The following ZNF827 variants were observed in gnomAD, a reference collection of about 807,000 sequenced individuals.
The protein encoded by ZNF827 is zinc finger protein 827.
In ZNF827, 13 loss-of-function variants were observed where a neutral mutation model predicts 102.4. The ratio of observed to expected loss-of-function variants is 0.13; its 90% CI spans 0.08 to 0.20. ZNF827 has a LOEUF of 0.20. Ranked by LOEUF, ZNF827 falls within the 10% of genes least tolerant of loss-of-function variation. ZNF827 has a pLI of 1.00. For synonymous variants in ZNF827, 523 were observed against 536.2 expected, an observed-to-expected ratio of 0.98 and a Z score of 0.34; for missense variants, 1,103 against 1,344.4, an observed-to-expected ratio of 0.82 and a Z score of 2.81.
intron 8 of ZNF827, among the ~76,000 whole-genome samples, chr4:145,808,956 A>ATTTTTTTTT (rs1741756684): frequency 6.6e-6 from 1 of 151,954 alleles, no homozygotes. Flanking sequence ...ATACACGACC[A>ATTTTTTTTT]TACATGGCTA....
At chr4:145,853,233 T>A (rs1746711686) in intron 5 of ZNF827, among the ~76,000 whole-genome samples, 1 of 152,190 alleles carries the variant, frequency 6.6e-6, no homozygotes, top group Non-Finnish European at 1.5e-5. Context: ...TCTCTTCTTT[T>A]TGCCTGGGGT....
chr4:145,918,332 C>CAAAA (rs34428145), intron 1 of ZNF827, among the ~76,000 whole-genome samples: 18 of 22,142 alleles, frequency 8.1e-4, no homozygotes, highest in East Asian at 7.6e-3. Context: ...TAGCTCAAGG[C>CAAAA]AAAAAAAAAA....
At chr4:145,840,842 T>C (rs1745344682) in intron 7 of ZNF827, among the ~76,000 whole-genome samples, 1 of 152,248 alleles carries the variant, frequency 6.6e-6, no homozygotes, top group African/African-American at 2.4e-5. Context: ...AAATTTTACA[T>C]TGGATGATTC....
At chr4:145,860,391 T>C (rs922762800) in intron 5 of ZNF827, among the ~76,000 whole-genome samples, 2 of 152,094 alleles carry the variant, frequency 1.3e-5, no homozygotes, top group African/African-American at 4.8e-5. Context: ...GTAGCAAAAA[T>C]AGGGGAAGTG....
chr4:145,802,171 TTC>T (rs1740976420), intron 8 of ZNF827, among the ~76,000 whole-genome samples: 1 of 152,232 alleles, frequency 6.6e-6, no homozygotes, highest in Admixed American at 6.5e-5. Context: ...AAAAAATTTC[TTC>T]TCTTTCCTCC....
At chr4:145,892,528 T>C (rs1302005061) in intron 2 of ZNF827, 113 bp from the exon 3 acceptor site, 2 of 1,165,642 alleles carry the variant, frequency 1.7e-6, no homozygotes, top group Non-Finnish European at 2.3e-6. Context: ...TTTGGGTTTT[T>C]TTCTTGACAA....
chr4:145,806,128 A>G (rs994951708), intron 8 of ZNF827, among the ~76,000 whole-genome samples: 1 of 150,544 alleles, frequency 6.6e-6, no homozygotes, highest in African/African-American at 2.4e-5. Context: ...GCTGCTCATA[A>G]GTATGTTGAA....
At position 145,938,621 on chromosome 4, in the gene ZNF827, CCT is replaced by C. The variant is rs889223884; in HGVS notation, c.-216_-215del. 2 of 496,598 alleles carry C rather than the reference CCT, an allele frequency of 4.0e-6. No homozygotes were observed. The highest frequency in any genetic ancestry group is 6.9e-6 in the Non-Finnish European group (2 of 288,056). The allele number at this position is 496,598 out of a possible 1,614,324, so 30.8% of individuals were successfully genotyped here. On this transcript the variant is annotated 5_prime_UTR_variant, in exon 1 of 15. Transcript: ENST00000508784. The stretch of plus-strand genomic sequence containing the variant: ...TCTTCTTTTCTTTCCTTTCTTTTTT[CCT>C]TTTTTTTTTTTTTTTAAATTTTTGG...
At chr4:145,774,430 C>T in intron 11 of ZNF827, 76 bp downstream of exon 11, 6 of 1,510,418 alleles carry the variant, frequency 4.0e-6, no homozygotes, top group Non-Finnish European at 5.4e-6. Flanking sequence ...AGTGGGGATG[C>T]TTCGGCCAGG....
At chr4:145,931,280 G>A (rs1304887779) in intron 1 of ZNF827, among the ~76,000 whole-genome samples, 1 of 152,152 alleles carries the variant, frequency 6.6e-6, no homozygotes, top group Non-Finnish European at 1.5e-5. Context: ...AGCCCTAGAT[G>A]GAATGAATTA....
At chr4:145,909,947 T>G (rs1752155018) in intron 1 of ZNF827, among the ~76,000 whole-genome samples, 1 of 152,104 alleles carries the variant, frequency 6.6e-6, no homozygotes, top group African/African-American at 2.4e-5. Context: ...AGATTACAGT[T>G]ATCGAAACAC....
intron 6 of ZNF827, among the ~76,000 whole-genome samples, chr4:145,848,526 C>CTAA (rs1746201708): frequency 6.6e-6 from 1 of 152,162 alleles, no homozygotes; most frequent in Non-Finnish European, 1.5e-5. Flanking sequence ...GATGGATAAA[C>CTAA]TTTAATATTG....
Position 145,800,224 on chromosome 4 carries a change from G to A in ZNF827, c.2384-20713C>T, listed in dbSNP as rs1423676296. Among the ~76,000 whole-genome samples, 7 of 152,244 alleles carry A rather than the reference G, an allele frequency of 4.6e-5. No individual in the cohort carries two copies. The South Asian group carries it at 1.2e-3, about 27-fold the overall frequency. ...AATTGCATGTCACAGTTGTCCAGTT[G>A]TCTTTTATAAAACAAGTACCAGTAT... On this transcript the variant is annotated intron_variant, in intron 8 of 14. Transcript: ENST00000508784.
chr4:145,785,793 TACAA>T (rs769407571), intron 8 of ZNF827, among the ~76,000 whole-genome samples: 13 of 152,232 alleles, frequency 8.5e-5, no homozygotes, highest in African/African-American at 9.6e-5. Context: ...TGCCAAAGTC[TACAA>T]ACAAACAAAG....
chr4:145,785,179 A>G (rs1279079039), intron 8 of ZNF827, among the ~76,000 whole-genome samples: 1 of 152,218 alleles, frequency 6.6e-6, no homozygotes, highest in Non-Finnish European at 1.5e-5. Context: ...TAGCAATCCC[A>G]AAACAAGGCT....
chr4:145,870,513 A>G (rs1027883340), intron 4 of ZNF827, 35 bp from the exon 5 acceptor site: 1 of 1,580,838 alleles, frequency 6.3e-7, no homozygotes. Context: ...TATATACATA[A>G]AAGGCCACTC....
intron 2 of ZNF827, among the ~76,000 whole-genome samples, chr4:145,893,038 G>A (rs1750726414): frequency 6.6e-6 from 1 of 152,158 alleles, no homozygotes; most frequent in Non-Finnish European, 1.5e-5. Context: ...TTAAGGTCAG[G>A]GTTTTTGACC....
intron 1 of ZNF827, among the ~76,000 whole-genome samples, chr4:145,930,294 C>G (rs184586594): frequency 6.6e-6 from 1 of 152,148 alleles, no homozygotes; most frequent in Non-Finnish European, 1.5e-5. Context: ...TTTTTCCTGG[C>G]CTTCTTCAGT....
chr4:145,914,381 G>T (rs898704753), intron 1 of ZNF827, among the ~76,000 whole-genome samples: 1 of 152,170 alleles, frequency 6.6e-6, no homozygotes. Flanking sequence ...GCAATTTATT[G>T]TATGAGAATA....
Sources: gnomAD v4.1 joint callset for allele counts (sites outside exome capture counted in the v4.1 genomes callset) on GRCh38, gnomAD v4.1.1 for gene constraint, MANE v1.5 for transcripts, NCBI Gene and HGNC (gene_info 2026-07-23, HGNC 2026-07-21) for gene names.